Variants in PPP1R14A observed in about 807,000 individuals in gnomAD.
PPP1R14A encodes the protein protein phosphatase 1 regulatory inhibitor subunit 14A, also known as protein phosphatase 1 regulatory subunit 14A.
PPP1R14A carries 9 observed loss-of-function variants against 14.1 expected under a neutral mutation model. That is an observed-to-expected ratio of 0.64 (90% CI 0.38 to 1.11). The LOEUF (loss-of-function observed/expected upper bound fraction) is 1.11. PPP1R14A is among the 50% of genes most tolerant of loss of function. The pLI is 0.01. For missense variants in PPP1R14A, 208 were observed against 200.7 expected, an observed-to-expected ratio of 1.04 and a Z score of -0.22; for synonymous variants, 93 against 88.7, an observed-to-expected ratio of 1.05 and a Z score of -0.27.
rs34312991 is a variant in PPP1R14A, at chr19:38,255,622, AC to A, written c.201+516del. ...TGTAGCATATGTTGAACTGTAGGTG[AC>A]CCCCCCCCAGCCCCCGCTTGTGTCC... is the stretch of plus-strand genomic sequence containing the variant. On this transcript the variant is annotated intron_variant, in intron 1 of 3. Coordinates refer to ENST00000301242, the MANE Select transcript of PPP1R14A (RefSeq NM_033256.3). Among the ~76,000 whole-genome samples, 35 of 108,670 alleles carry A rather than the reference AC, an allele frequency of 3.2e-4. 3 individuals carry two copies. Among genetic ancestry groups the A allele is most frequent in the Admixed American group, 8.8e-4 (9 of 10,240 alleles). The allele number at this position is 108,670 out of a possible 152,430, so 71.3% of individuals were successfully genotyped here.
At position 38,252,992 on chromosome 19, in the gene PPP1R14A, G is replaced by A; in HGVS notation, c.202-18C>T. 1 of 1,593,152 alleles carries A rather than the reference G, an allele frequency of 6.3e-7. No homozygotes were observed. Among genetic ancestry groups the A allele is most frequent in the Non-Finnish European group, 8.6e-7 (1 of 1,161,300 alleles). ...TCTGCCTCCTAGGGCCAGGGAGGGA[G>A]GGGTGCTTAGGATCCCCTTCCCTCC... On this transcript the variant is annotated intron_variant, in intron 1 of 3. Coordinates refer to ENST00000301242, the MANE Select transcript of PPP1R14A (RefSeq NM_033256.3). This position sits in a 1 kb window ranked among gnomAD's most constrained non-coding sequence, Gnocchi z 4.1.
At chr19:38,251,884 CT>C in intron 3 of PPP1R14A, 1 of 330,632 alleles carries the variant, frequency 3.0e-6, no homozygotes, top group Non-Finnish European at 5.5e-6. Context: ...ATAGTTTTCC[CT>C]TTTAAAGCAG....
Position 38,252,768 on chromosome 19 carries a change from G to A in PPP1R14A, c.282+126C>T. 1 of 771,008 alleles carries A rather than the reference G, an allele frequency of 1.3e-6. No homozygotes were observed. The highest frequency in any genetic ancestry group is 2.3e-6 in the Non-Finnish European group (1 of 438,020). The allele number at this position is 771,008 out of a possible 1,614,324, so 47.8% of individuals were successfully genotyped here. On this transcript the variant is annotated intron_variant, in intron 2 of 3. Coordinates refer to ENST00000301242, the MANE Select transcript of PPP1R14A (RefSeq NM_033256.3). This position sits in a 1 kb window ranked among gnomAD's most constrained non-coding sequence, Gnocchi z 4.1. ...AGGGTTTTGTGAGGGTTAAGTGAGTGAATACATGTAAAGCCATCACACCAG... is the reference window on the plus strand; with the variant it reads ...AGGGTTTTGTGAGGGTTAAGTGAGTAAATACATGTAAAGCCATCACACCAG...
At chr19:38,253,761 C>G (rs1205981892) in intron 1 of PPP1R14A, among the ~76,000 whole-genome samples, 2 of 152,344 alleles carry the variant, frequency 1.3e-5, no homozygotes, top group East Asian at 3.9e-4. Flanking sequence ...GCTGGATGGT[C>G]CTGGTTCATG....
At chr19:38,251,585 G>C in intron 3 of PPP1R14A, 139 bp from the exon 4 acceptor site, 1 of 584,592 alleles carries the variant, frequency 1.7e-6, no homozygotes, top group Non-Finnish European at 2.8e-6. Flanking sequence ...GGAGGCTATA[G>C]ACATAGAGAG....
In PPP1R14A at chr19:38,251,293, G is replaced by T; in HGVS notation, c.*25C>A. On this transcript the variant is annotated 3_prime_UTR_variant, in exon 4 of 4. Transcript: ENST00000301242. ...TACACAAGCAAGCTGGGCGGCGTCC[G>T]GGGGGCAGGGAGAGTGCAAGAGGGT... 7.0e-7 allele frequency: 1 copy of T among 1,434,422 alleles called. No homozygotes were observed. The highest frequency in any genetic ancestry group is 9.1e-7 in the Non-Finnish European group (1 of 1,100,804). 88.9% of individuals were successfully genotyped at this position (1,434,422 alleles called of 1,614,324 possible). A position where few individuals can be genotyped will look rare whatever the true frequency, so the allele number is the denominator to read the frequency against.
chr19:38,251,451 G>C lies in PPP1R14A; in HGVS notation c.316-5C>G. ...CAGCAGCTCCTGGATGAAGTCCTGA[G>C]ACAGGGTGGGGGAGCTGAGAACATG... On this transcript the variant is annotated splice_polypyrimidine_tract_variant and splice_region_variant and intron_variant, in intron 3 of 3. Transcript: ENST00000301242. The C allele has an allele frequency of 6.4e-7, 1 of 1,565,528 alleles. No individual in the cohort carries two copies. Among genetic ancestry groups the C allele is most frequent in the Non-Finnish European group, 8.6e-7 (1 of 1,163,728 alleles).
In PPP1R14A at chr19:38,252,403, C is replaced by G. The variant is rs761240332; in HGVS notation, c.283-65G>C. 4 of 1,525,800 alleles carry G rather than the reference C, an allele frequency of 2.6e-6. No homozygotes were observed. Among genetic ancestry groups the G allele is most frequent in the Non-Finnish European group, 3.6e-6 (4 of 1,111,558 alleles). 94.5% of individuals were successfully genotyped at this position (1,525,800 alleles called of 1,614,324 possible). On this transcript the variant is annotated intron_variant, in intron 2 of 3. Coordinates refer to ENST00000301242, the MANE Select transcript of PPP1R14A (RefSeq NM_033256.3). This position sits in a 1 kb window ranked among gnomAD's most constrained non-coding sequence, Gnocchi z 4.1. ...ACTAACACCTACTCCCCTCCAGCCCCTTCCCTTTCCCAAAAGGCCCCAGCA... is the reference window on the plus strand; with the variant it reads ...ACTAACACCTACTCCCCTCCAGCCCGTTCCCTTTCCCAAAAGGCCCCAGCA...
intron 1 of PPP1R14A, 200 bp from the exon 2 acceptor site, chr19:38,253,174 C>T (rs902557659): frequency 7.9e-5 from 45 of 572,956 alleles, no homozygotes; most frequent in Non-Finnish European, 1.2e-4. Flanking sequence ...TGAGAGAGCC[C>T]CGGGGCCCTG....
Position 38,256,069 on chromosome 19 carries a change from C to G in PPP1R14A, c.201+70G>C. 1 of 1,397,844 alleles carries G rather than the reference C, an allele frequency of 7.2e-7. No homozygotes were observed. The allele number at this position is 1,397,844 out of a possible 1,614,324, so 86.6% of individuals were successfully genotyped here. ...CACCAGCGAGTGTGCACCGAGACCC[C>G]AAGGGCGTGGGGTCTCCGCGCCCGG... is the stretch of plus-strand genomic sequence containing the variant. On this transcript the variant is annotated intron_variant, in intron 1 of 3. Transcript: ENST00000301242. The surrounding 1 kb of genome is among the most constrained non-coding windows in gnomAD (Gnocchi z 5.7).
At position 38,256,144 on chromosome 19, in the gene PPP1R14A, C is replaced by T. The variant is rs1968245633; in HGVS notation, c.196G>A (p.Gly66Ser). The T allele has an allele frequency of 2.6e-6, 4 of 1,544,906 alleles. No individual in the cohort carries two copies. The highest frequency in any genetic ancestry group is 1.4e-5 in the African/African-American group (1 of 73,352). Reference protein sequence around the residue: ...IDGRLEELYRGMEADMPDEIN... With the variant: ...IDGRLEELYRSMEADMPDEIN... ...CGAGCCCTCCCCGGGCTCACCATGC[C>T]GCGGTACAGCTCCTCCAGGCGCCCG... Residue 66 changes from glycine (G) to serine (S), a missense_variant, in exon 1 of 4, where the codon GGC becomes AGC. Gly to Ser is a moderately conservative substitution (Grantham distance 56). Transcript: ENST00000301242. The surrounding 1 kb of genome is among the most constrained non-coding windows in gnomAD (Gnocchi z 5.7).
intron 1 of PPP1R14A, among the ~76,000 whole-genome samples, chr19:38,255,201 G>A (rs1968233218): frequency 6.6e-6 from 1 of 152,148 alleles, no homozygotes; most frequent in Admixed American, 6.6e-5. Context: ...TTGGCTCACT[G>A]TGACCTTGGC....
intron 1 of PPP1R14A, among the ~76,000 whole-genome samples, chr19:38,254,764 C>A (rs1327626312): frequency 1.3e-5 from 2 of 152,192 alleles, no homozygotes; most frequent in African/African-American, 4.8e-5. Flanking sequence ...AGTTGTATGT[C>A]CACCTGTTCC....
At position 38,256,236 on chromosome 19, in the gene PPP1R14A, G is replaced by A; in HGVS notation, c.104C>T (p.Ala35Val). 1.3e-6 allele frequency: 2 copies of A among 1,552,010 alleles called. No individual in the cohort carries two copies. The highest frequency in any genetic ancestry group is 8.7e-7 in the Non-Finnish European group (1 of 1,153,396). ...GSPGGLQKRH[A>V]RVTVKYDRRE... ...CCGGTCATACTTGACGGTGACGCGCGCGTGCCGCTTCTGCAGCCCCCCGGG... is the reference window on the plus strand; with the variant it reads ...CCGGTCATACTTGACGGTGACGCGCACGTGCCGCTTCTGCAGCCCCCCGGG... Residue 35 changes from alanine (A) to valine (V), a missense_variant, in exon 1 of 4, where the codon GCG becomes GTG. Physicochemically the swap from Ala to Val is moderately conservative, Grantham distance 64. Coordinates refer to ENST00000301242, the MANE Select transcript of PPP1R14A (RefSeq NM_033256.3). The surrounding 1 kb of genome is among the most constrained non-coding windows in gnomAD (Gnocchi z 5.7).
rs759635918 is a variant in PPP1R14A, at chr19:38,251,459, G to C, written c.316-13C>G. On this transcript the variant is annotated splice_polypyrimidine_tract_variant and intron_variant, in intron 3 of 3. Coordinates refer to ENST00000301242, the MANE Select transcript of PPP1R14A (RefSeq NM_033256.3). ...CCTGGATGAAGTCCTGAGACAGGGT[G>C]GGGGAGCTGAGAACATGGGAACAGT... The C allele has an allele frequency of 1.3e-6, 2 of 1,559,750 alleles. No individual in the cohort carries two copies. The highest frequency in any genetic ancestry group is 1.8e-4 in the Middle Eastern group (1 of 5,678).
Position 38,256,147 on chromosome 19 carries a change from G to C in PPP1R14A, c.193C>G (p.Arg65Gly). 6.5e-7 allele frequency: 1 copy of C among 1,545,500 alleles called. No homozygotes were observed. ...WIDGRLEELYRGMEADMPDEI... is the reference protein window; with the variant it reads ...WIDGRLEELYGGMEADMPDEI... Reference sequence around the variant, plus strand: ...GCCCTCCCCGGGCTCACCATGCCGCGGTACAGCTCCTCCAGGCGCCCGTCG... The same window carrying C: ...GCCCTCCCCGGGCTCACCATGCCGCCGTACAGCTCCTCCAGGCGCCCGTCG... The change falls in exon 1 of 4, where the codon CGC becomes GGC. Residue 65 changes from arginine (R) to glycine (G), a missense_variant. By Grantham distance (125) the Arg-to-Gly change is moderately radical. Coordinates refer to ENST00000301242, the MANE Select transcript of PPP1R14A (RefSeq NM_033256.3). This position sits in a 1 kb window ranked among gnomAD's most constrained non-coding sequence, Gnocchi z 5.7.
Position 38,251,366 on chromosome 19 carries a change from G to A in PPP1R14A, c.396C>T (p.Asp132=), listed in dbSNP as rs766431372. The change falls in exon 4 of 4, where the codon GAC becomes GAT. Residue 132 remains aspartate, a synonymous_variant. Transcript: ENST00000301242. ...GGTCCTGGAGGGGGCTGAGGCTGCC[G>A]TCGTGGGAGGGGCTTGGCTGGCGGA... ...PGLRQPSPSH[D]GSLSPLQDRA... The A allele has an allele frequency of 2.8e-5, 44 of 1,556,790 alleles. No individual in the cohort carries two copies. Among genetic ancestry groups the A allele is most frequent in the Non-Finnish European group, 3.2e-5 (37 of 1,160,560 alleles).
At chr19:38,255,080 G>A (rs757036429) in intron 1 of PPP1R14A, among the ~76,000 whole-genome samples, 3 of 152,060 alleles carry the variant, frequency 2.0e-5, no homozygotes, top group Non-Finnish European at 4.4e-5. Flanking sequence ...CACCGTGCCC[G>A]GTGCTTACAC....
At position 38,252,968 on chromosome 19, in the gene PPP1R14A, C is replaced by G; in HGVS notation, c.208G>C (p.Asp70His). 1 of 1,613,748 alleles carries G rather than the reference C, an allele frequency of 6.2e-7. No individual in the cohort carries two copies. Among genetic ancestry groups the G allele is most frequent in the Non-Finnish European group, 8.5e-7 (1 of 1,179,686 alleles). Residue 70 changes from aspartate to histidine, a missense_variant, in exon 2 of 4, where the codon GAC becomes CAC. Coordinates refer to ENST00000301242, the MANE Select transcript of PPP1R14A (RefSeq NM_033256.3). The surrounding 1 kb of genome is among the most constrained non-coding windows in gnomAD (Gnocchi z 4.1). ...TCAATGTTGATCTCATCGGGCATGT[C>G]TGCCTCCTAGGGCCAGGGAGGGAGG... is the stretch of plus-strand genomic sequence containing the variant. ...LEELYRGMEA[D>H]MPDEINIDEL... is the part of the protein sequence containing the mutation.
Sources: allele counts gnomAD v4.1 joint callset (sites outside exome capture counted in the v4.1 genomes callset), GRCh38; gene constraint gnomAD v4.1.1; non-coding constraint Gnocchi (gnomAD v3.1); transcripts MANE v1.5; gene names NCBI Gene and HGNC (gene_info 2026-07-23, HGNC 2026-07-21).